Variants in SPON1 observed in about 807,000 individuals in gnomAD.
SPON1 encodes spondin 1, also known as spondin-1.
SPON1 carries 52 observed loss-of-function variants against 111.7 expected under a neutral mutation model. The ratio of observed to expected loss-of-function variants is 0.47; its 90% CI spans 0.37 to 0.59. The LOEUF (loss-of-function observed/expected upper bound fraction) is 0.59, where lower values mean the gene tolerates loss of function less well. Among genes scored for constraint, SPON1 ranks in the 20% least tolerant of loss-of-function variants. The pLI is 0.00. For synonymous variants in SPON1, 410 were observed against 395.8 expected (o/e 1.04, Z -0.43); for missense variants, 957 against 1,068.5 (o/e 0.90, Z 1.46).
intron 6 of SPON1, among the ~76,000 whole-genome samples, chr11:14,207,466 A>G (rs1198247195): frequency 1.3e-5 from 2 of 152,224 alleles, no homozygotes; most frequent in African/African-American, 4.8e-5. Context: ...TGTGCATCCA[A>G]CAAAGGTCTA....
intron 5 of SPON1, among the ~76,000 whole-genome samples, chr11:14,089,435 C>T (rs558623156): frequency 1.3e-5 from 2 of 152,110 alleles, no homozygotes; most frequent in Non-Finnish European, 2.9e-5. Context: ...TACTCCAGAC[C>T]CTGTTCTCGT....
intron 1 of SPON1, among the ~76,000 whole-genome samples, chr11:13,970,507 G>T (rs1554908470): frequency 6.6e-6 from 1 of 152,114 alleles, no homozygotes; most frequent in African/African-American, 2.4e-5. Flanking sequence ...ACCATCTGTG[G>T]GGCAGGAGTG....
intron 6 of SPON1, among the ~76,000 whole-genome samples, chr11:14,201,416 T>A (rs1046670953): frequency 6.6e-6 from 1 of 151,952 alleles, no homozygotes; most frequent in Non-Finnish European, 1.5e-5. Context: ...TTTTTCTTTT[T>A]GAGACAAAGT....
chr11:14,141,172 G>A (rs781371674), intron 6 of SPON1, among the ~76,000 whole-genome samples: 1 of 151,974 alleles, frequency 6.6e-6, no homozygotes, highest in Non-Finnish European at 1.5e-5. Context: ...ACTGTTCTGA[G>A]TTAGACTTTC....
At chr11:14,149,486 T>C (rs1340405759) in intron 6 of SPON1, among the ~76,000 whole-genome samples, 1 of 152,190 alleles carries the variant, frequency 6.6e-6, no homozygotes, top group African/African-American at 2.4e-5. Flanking sequence ...TAATTTATTA[T>C]TGAAGAAAAG....
rs543658399 is a variant in SPON1 at position 14,246,831 on chromosome 11, A to C, written c.890+3435A>C. Among the ~76,000 whole-genome samples, 6 of 152,348 alleles carry C rather than the reference A, an allele frequency of 3.9e-5. No homozygotes were observed. In the South Asian group the frequency reaches 1.2e-3, roughly 32 times the overall value. On this transcript the variant is annotated intron_variant, in intron 7 of 15. Coordinates refer to ENST00000576479, the MANE Select transcript of SPON1 (RefSeq NM_006108.4). ...CTATGAAGGAAAGGCATAAAGTGCCATTAGGGGGGTTAGAGATAGCTTCCC... is the reference window on the plus strand; with the variant it reads ...CTATGAAGGAAAGGCATAAAGTGCCCTTAGGGGGGTTAGAGATAGCTTCCC...
At chr11:13,998,916 T>C (rs1554912138) in intron 2 of SPON1, among the ~76,000 whole-genome samples, 1 of 152,196 alleles carries the variant, frequency 6.6e-6, no homozygotes. Context: ...AAAAAGAACT[T>C]TTTCATGTAT....
intron 5 of SPON1, among the ~76,000 whole-genome samples, chr11:14,111,431 C>T (rs966211094): frequency 2.0e-5 from 3 of 152,278 alleles, no homozygotes; most frequent in Middle Eastern, 3.4e-3. Context: ...ATACATGTTA[C>T]TCAACGAACT....
chr11:14,158,292 C>T (rs1847872633), intron 6 of SPON1, among the ~76,000 whole-genome samples: 1 of 152,134 alleles, frequency 6.6e-6, no homozygotes. Flanking sequence ...TGTGTCTCTT[C>T]CTTATGGTTT....
At chr11:14,196,861 C>T (rs1263557051) in intron 6 of SPON1, among the ~76,000 whole-genome samples, 1 of 152,144 alleles carries the variant, frequency 6.6e-6, no homozygotes, top group East Asian at 1.9e-4. Flanking sequence ...ACCAGACTGG[C>T]CAACATGGCG....
At position 14,257,686 on chromosome 11, in the gene SPON1, C is replaced by T. The variant is rs782013152; in HGVS notation, c.1310-30C>T. On this transcript the variant is annotated intron_variant, in intron 10 of 15. Coordinates refer to ENST00000576479, the MANE Select transcript of SPON1 (RefSeq NM_006108.4). ...GCCAGTGGCAGCTCCCATAGGTTCCCAGGGAAAACATGTCAAACACTCTTT... is the reference window on the plus strand; with the variant it reads ...GCCAGTGGCAGCTCCCATAGGTTCCTAGGGAAAACATGTCAAACACTCTTT... 10 of 1,568,906 alleles carry T rather than the reference C, an allele frequency of 6.4e-6. No homozygotes were observed. In the African/African-American group the frequency reaches 1.4e-4, roughly 21 times the overall value.
rs550633178 is a variant in SPON1 at position 14,080,997 on chromosome 11, G to A, written c.676+976G>A. 4.0e-5 allele frequency among the ~76,000 whole-genome samples: 6 copies of A among 151,772 alleles called. No individual in the cohort carries two copies. The East Asian group carries it at 9.7e-4, about 24-fold the overall frequency. ...GCTACTCAAGAGGCTAAGGCAGGAG[G>A]ATCTTAAGCCCAGGAGTTCAAGGCT... On this transcript the variant is annotated intron_variant, in intron 5 of 15. Transcript: ENST00000576479.
chr11:13,978,477 A>G (rs1394147425), intron 1 of SPON1, among the ~76,000 whole-genome samples: 1 of 152,228 alleles, frequency 6.6e-6, no homozygotes, highest in Non-Finnish European at 1.5e-5. Flanking sequence ...ATGTGTAAAG[A>G]AACACATAAA....
chr11:14,134,680 C>A (rs897435055), intron 5 of SPON1, among the ~76,000 whole-genome samples: 3 of 152,204 alleles, frequency 2.0e-5, no homozygotes, highest in Non-Finnish European at 4.4e-5. Flanking sequence ...TCCTTGCTTA[C>A]CTCTCCAGCT....
intron 2 of SPON1, among the ~76,000 whole-genome samples, chr11:13,991,013 T>C (rs1264508352): frequency 6.6e-6 from 1 of 152,220 alleles, no homozygotes; most frequent in East Asian, 1.9e-4. Flanking sequence ...CATTTTTTCC[T>C]TCATTTTAAC....
In SPON1 at chr11:14,259,634, C is replaced by A. The variant is rs1554941706; in HGVS notation, c.1764C>A (p.Asn588Lys). Residue 588 changes from asparagine to lysine, a missense_variant, in exon 13 of 16, where the codon AAC becomes AAA. Transcript: ENST00000576479. The surrounding 1 kb of genome is among the most constrained non-coding windows in gnomAD (Gnocchi z 5.0). ...AGCGGCACCGCATGATCAAGATGAA[C>A]CCCGCAGATGGCTCCATGTGCAAAG... is the stretch of plus-strand genomic sequence containing the variant. ...MKKRHRMIKM[N>K]PADGSMCKAE... The A allele has an allele frequency of 6.4e-7, 1 of 1,564,108 alleles. No homozygotes were observed. Among genetic ancestry groups the A allele is most frequent in the African/African-American group, 1.4e-5 (1 of 73,748 alleles).
intron 6 of SPON1, among the ~76,000 whole-genome samples, chr11:14,190,486 C>T (rs1848333141): frequency 6.6e-6 from 1 of 151,718 alleles, no homozygotes; most frequent in Non-Finnish European, 1.5e-5. Context: ...TTCCTTCCTT[C>T]CTTCCTTCTT....
chr11:14,259,507 CG>C lies in SPON1; in HGVS notation c.1664-26del. 1 of 1,565,388 alleles carries C rather than the reference CG, an allele frequency of 6.4e-7. No homozygotes were observed. Among genetic ancestry groups the C allele is most frequent in the Non-Finnish European group, 8.7e-7 (1 of 1,155,354 alleles). On this transcript the variant is annotated intron_variant, in intron 12 of 15. Transcript: ENST00000576479. This position sits in a 1 kb window ranked among gnomAD's most constrained non-coding sequence, Gnocchi z 5.0. ...AAGTAGGTCGGGGAGGCAGCAGGTG[CG>C]ACTCCAATGCCGCTGGCCTCCCCAG... is the stretch of plus-strand genomic sequence containing the variant.
chr11:14,163,968 T>A (rs1257382304), intron 6 of SPON1, among the ~76,000 whole-genome samples: 4 of 152,160 alleles, frequency 2.6e-5, no homozygotes, highest in Non-Finnish European at 5.9e-5. Flanking sequence ...AGCATTCAAT[T>A]CTGGCCCCCA....
Sources: gnomAD v4.1 joint callset for allele counts (sites outside exome capture counted in the v4.1 genomes callset) on GRCh38, gnomAD v4.1.1 for gene constraint, Gnocchi (gnomAD v3.1) non-coding constraint, MANE v1.5 for transcripts, NCBI Gene and HGNC (gene_info 2026-07-23, HGNC 2026-07-21) for gene names.